The following ADGRB3 variants were observed in gnomAD, a reference collection of about 807,000 sequenced individuals.
ADGRB3 encodes the protein brain-specific angiogenesis inhibitor 3.
Under a neutral mutation model 193.4 loss-of-function variants are expected in ADGRB3, and 37 were observed. The observed-to-expected ratio is 0.19, with a 90% confidence interval of 0.15 to 0.25. The LOEUF is 0.25. ADGRB3 is among the 10% of genes least tolerant of loss of function. ADGRB3 has a pLI of 1.00. For missense variants in ADGRB3, 1,637 were observed against 1,852.9 expected (o/e 0.88, Z 2.14); for synonymous variants, 690 against 644.2 (o/e 1.07, Z -1.08).
chr6:69,198,430 G>C (rs1453068983), intron 17 of ADGRB3, among the ~76,000 whole-genome samples: 2 of 152,052 alleles, frequency 1.3e-5, no homozygotes, highest in Non-Finnish European at 2.9e-5. Context: ...CTAGTCTGAA[G>C]AAAAAGTAGG....
intron 3 of ADGRB3, among the ~76,000 whole-genome samples, chr6:68,772,672 A>G (rs1402530536): frequency 1.3e-5 from 2 of 151,526 alleles, no homozygotes; most frequent in African/African-American, 4.8e-5. Context: ...CTCGACACAA[A>G]TTACTAATAT....
At chr6:68,772,697 A>G (rs1582188174) in intron 3 of ADGRB3, among the ~76,000 whole-genome samples, 1 of 151,342 alleles carries the variant, frequency 6.6e-6, no homozygotes, top group African/African-American at 2.4e-5. Flanking sequence ...TACAAACACT[A>G]CAGAAATAGC....
At chr6:68,890,055 A>C (rs1766029909) in intron 3 of ADGRB3, among the ~76,000 whole-genome samples, 1 of 152,210 alleles carries the variant, frequency 6.6e-6, no homozygotes, top group Non-Finnish European at 1.5e-5. Flanking sequence ...AAATAACAAA[A>C]TGTCAATATT....
At chr6:69,242,772 G>A (rs1222229163) in intron 20 of ADGRB3, among the ~76,000 whole-genome samples, 1 of 151,790 alleles carries the variant, frequency 6.6e-6, no homozygotes, top group Non-Finnish European at 1.5e-5. Context: ...TATATTTTGA[G>A]TTTTCTCATA....
chr6:69,079,881 T>C (rs1190572334), intron 17 of ADGRB3, among the ~76,000 whole-genome samples: 1 of 152,108 alleles, frequency 6.6e-6, no homozygotes, highest in Non-Finnish European at 1.5e-5. Context: ...TTAATCCATT[T>C]GTAATTTATT....
intron 16 of ADGRB3, among the ~76,000 whole-genome samples, chr6:69,070,604 A>T (rs1488524444): frequency 6.6e-6 from 1 of 152,214 alleles, no homozygotes; most frequent in East Asian, 1.9e-4. Flanking sequence ...ATGAGCAGTG[A>T]TTCTCTAAAT....
chr6:68,787,319 A>C (rs1766996587), intron 3 of ADGRB3, among the ~76,000 whole-genome samples: 1 of 152,112 alleles, frequency 6.6e-6, no homozygotes, highest in Non-Finnish European at 1.5e-5. Flanking sequence ...TTATTTTGAG[A>C]TACATCTCAT....
intron 17 of ADGRB3, among the ~76,000 whole-genome samples, chr6:69,188,378 G>A (rs974043590): frequency 2.0e-5 from 3 of 151,662 alleles, no homozygotes; most frequent in Admixed American, 6.6e-5. Context: ...GTGCTATCTC[G>A]GCTCACTGCA....
chr6:69,013,498 A>C (rs1418366987), intron 11 of ADGRB3, among the ~76,000 whole-genome samples: 1 of 152,068 alleles, frequency 6.6e-6, no homozygotes, highest in African/African-American at 2.4e-5. Context: ...AGGAACTTAG[A>C]AACTTTTATT....
At chr6:68,826,532 C>T (rs975161293) in intron 3 of ADGRB3, among the ~76,000 whole-genome samples, 1 of 152,152 alleles carries the variant, frequency 6.6e-6, no homozygotes, top group Non-Finnish European at 1.5e-5. Context: ...CCAAGTGGAA[C>T]TGGAAGCCTT....
chr6:68,951,912 C>T (rs1474259772), intron 6 of ADGRB3, among the ~76,000 whole-genome samples: 1 of 152,070 alleles, frequency 6.6e-6, no homozygotes, highest in African/African-American at 2.4e-5. Flanking sequence ...GCAGCTTCCT[C>T]ACCACTTTAG....
chr6:69,055,479 C>T (rs960086961), intron 15 of ADGRB3, among the ~76,000 whole-genome samples: 7 of 152,224 alleles, frequency 4.6e-5, no homozygotes, highest in South Asian at 4.1e-4. Context: ...TCTTTTTATA[C>T]GGCTGAAGAA....
At position 68,719,868 on chromosome 6, in the gene ADGRB3, T is replaced by C. The variant is rs374586273; in HGVS notation, c.757+80436T>C. Among the ~76,000 whole-genome samples the C allele has an allele frequency of 1.6e-3, 240 of 151,732 alleles. 3 individuals carry two copies. The highest frequency in any genetic ancestry group is 5.4e-3 in the African/African-American group (225 of 41,458). Reference sequence around the variant, plus strand: ...CACATAGAAATTCTATGTGTGAGTATGTATATGCTGAGGTTGGGCATGGGG... The same window carrying C: ...CACATAGAAATTCTATGTGTGAGTACGTATATGCTGAGGTTGGGCATGGGG... On this transcript the variant is annotated intron_variant, in intron 3 of 31. Coordinates refer to ENST00000370598, the MANE Select transcript of ADGRB3 (RefSeq NM_001704.3).
intron 8 of ADGRB3, among the ~76,000 whole-genome samples, chr6:68,972,988 A>G (rs939369896): frequency 2.0e-5 from 3 of 152,214 alleles, no homozygotes; most frequent in African/African-American, 7.2e-5. Flanking sequence ...AGCTTATGAA[A>G]GTGGGGCTGG....
intron 26 of ADGRB3, 86 bp downstream of exon 26, chr6:69,339,590 T>C (rs897008164): frequency 1.5e-5 from 22 of 1,441,620 alleles, no homozygotes; most frequent in Non-Finnish European, 2.0e-5. Flanking sequence ...TATCTTGATG[T>C]TCAGATTAAA....
chr6:68,693,731 G>A (rs1163909657), intron 3 of ADGRB3, among the ~76,000 whole-genome samples: 1 of 151,946 alleles, frequency 6.6e-6, no homozygotes, highest in Non-Finnish European at 1.5e-5. Context: ...AAACTGTCAG[G>A]CCTGAGGTCT....
rs572413351 is a variant in ADGRB3, at chr6:69,302,416, C to T, written c.2815-22456C>T. ...GGATTGGTTTCATTGGTGTTTTGTC[C>T]CCGAAGTCAGAAAGTACCTTGCCAG... On this transcript the variant is annotated intron_variant, in intron 20 of 31. Coordinates refer to ENST00000370598, the MANE Select transcript of ADGRB3 (RefSeq NM_001704.3). Among the ~76,000 whole-genome samples the T allele has an allele frequency of 2.4e-4, 37 of 151,842 alleles. 1 individual carries two copies. In the South Asian group the frequency reaches 3.3e-3, roughly 14 times the overall value.
At chr6:69,233,678 T>C (rs958632242) in intron 18 of ADGRB3, among the ~76,000 whole-genome samples, 3 of 152,218 alleles carry the variant, frequency 2.0e-5, no homozygotes, top group Non-Finnish European at 4.4e-5. Flanking sequence ...ATGTCACTAA[T>C]ATGCTGCAAA....
At chr6:69,026,005 A>G (rs1484487861) in intron 13 of ADGRB3, among the ~76,000 whole-genome samples, 1 of 152,198 alleles carries the variant, frequency 6.6e-6, no homozygotes, top group East Asian at 1.9e-4. Flanking sequence ...TAGTGCTAGT[A>G]TAATAGATTG....
Sources: gnomAD v4.1 joint callset for allele counts (sites outside exome capture counted in the v4.1 genomes callset) on GRCh38, gnomAD v4.1.1 for gene constraint, MANE v1.5 for transcripts, NCBI Gene and HGNC (gene_info 2026-07-23, HGNC 2026-07-21) for gene names.